ALKBH3: variants seen among roughly 807,000 people sequenced by gnomAD.
The protein encoded by ALKBH3 is alkB homolog 3, alpha-ketoglutarate dependent dioxygenase, also known as alpha-ketoglutarate-dependent dioxygenase alkB homolog 3.
In ALKBH3, 51 loss-of-function variants were observed where a neutral mutation model predicts 43.9. That is an observed-to-expected ratio of 1.16 (90% CI 0.93 to 1.47). ALKBH3 has a LOEUF of 1.47. Ranked by LOEUF, ALKBH3 falls within the 40% of genes most tolerant of loss-of-function variation. ALKBH3 has a pLI of 0.00. For missense variants in ALKBH3, 361 were observed against 351.9 expected, an observed-to-expected ratio of 1.03 and a Z score of -0.21; for synonymous variants, 102 against 115.2, an observed-to-expected ratio of 0.89 and a Z score of 0.73.
intron 7 of ALKBH3, chr11:43,899,099 G>C (rs1043212908): frequency 1.3e-6 from 1 of 758,506 alleles, no homozygotes; most frequent in Non-Finnish European, 2.5e-6. Context: ...TGTACAAAGG[G>C]GACATTGTCT....
intron 7 of ALKBH3, among the ~76,000 whole-genome samples, chr11:43,892,924 G>T (rs1219150734): frequency 1.3e-5 from 2 of 152,198 alleles, no homozygotes; most frequent in Non-Finnish European, 2.9e-5. Context: ...GCCTTTTCAC[G>T]TAAGGAGATA....
chr11:43,898,851 G>C (rs906035522), intron 7 of ALKBH3: 6 of 764,914 alleles, frequency 7.8e-6, no homozygotes, highest in Non-Finnish European at 2.4e-6. Flanking sequence ...CTGGAGGCCT[G>C]CTGGATTACA....
chr11:43,910,783 T>A (rs1038550331), intron 8 of ALKBH3, among the ~76,000 whole-genome samples: 2 of 147,160 alleles, frequency 1.4e-5, no homozygotes, highest in Admixed American at 7.1e-5. Context: ...AGTACTAAAA[T>A]GACTTTTTTT....
At chr11:43,919,797 ACTC>A (rs1952012448) in intron 9 of ALKBH3, 118 bp from the exon 10 acceptor site, 1 of 915,364 alleles carries the variant, frequency 1.1e-6, no homozygotes, top group Non-Finnish European at 1.7e-6. Context: ...AGAGCTTACT[ACTC>A]ATTTAAGGGG....
chr11:43,905,717 CT>C (rs1283575800), intron 8 of ALKBH3, among the ~76,000 whole-genome samples: 1 of 152,098 alleles, frequency 6.6e-6, no homozygotes, highest in Non-Finnish European at 1.5e-5. Context: ...TTCAGTAGAC[CT>C]TTTTTATTCT....
chr11:43,898,956 G>A (rs1436558201), intron 7 of ALKBH3: 3 of 749,910 alleles, frequency 4.0e-6, no homozygotes, highest in Non-Finnish European at 7.5e-6. Context: ...GACCATGGAG[G>A]AGCTGGAGAA....
At chr11:43,887,784 TG>T (rs1304160958) in intron 5 of ALKBH3, among the ~76,000 whole-genome samples, 3 of 143,894 alleles carry the variant, frequency 2.1e-5, no homozygotes, top group Non-Finnish European at 4.7e-5. Flanking sequence ...TTTCTTTTTT[TG>T]TTTTTTTTTG....
At chr11:43,893,029 T>G (rs973357850) in intron 7 of ALKBH3, among the ~76,000 whole-genome samples, 1 of 152,234 alleles carries the variant, frequency 6.6e-6, no homozygotes, top group African/African-American at 2.4e-5. Context: ...AACGTGGAGA[T>G]AATAGAATTA....
At chr11:43,886,550 G>A in intron 4 of ALKBH3, 56 bp from the exon 5 acceptor site, 2 of 1,560,478 alleles carry the variant, frequency 1.3e-6, no homozygotes, top group South Asian at 2.2e-5. Context: ...TCTTCCACTG[G>A]GTATAGCATA....
intron 7 of ALKBH3, 79 bp from the exon 8 acceptor site, chr11:43,901,433 CCTTT>C: frequency 2.0e-6 from 3 of 1,533,564 alleles, no homozygotes; most frequent in East Asian, 2.3e-5. Flanking sequence ...CTGATTTTGC[CCTTT>C]CTTTTCTGTT....
At chr11:43,915,330 G>A (rs1249226185) in intron 8 of ALKBH3, among the ~76,000 whole-genome samples, 1 of 152,130 alleles carries the variant, frequency 6.6e-6, no homozygotes, top group Non-Finnish European at 1.5e-5. Flanking sequence ...TCAGCCAGAA[G>A]ATAGGTACTG....
chr11:43,889,858 G>C, intron 6 of ALKBH3, 30 bp downstream of exon 6: 3 of 1,553,016 alleles, frequency 1.9e-6, no homozygotes, highest in Non-Finnish European at 2.7e-6. Context: ...CACAGTTGGT[G>C]CTGCGTGTTC....
intron 5 of ALKBH3, 105 bp from the exon 6 acceptor site, chr11:43,889,620 T>C (rs1389411852): frequency 2.3e-6 from 2 of 864,384 alleles, no homozygotes; most frequent in Non-Finnish European, 3.7e-6. Context: ...GATGATTTCA[T>C]GTACCCATTA....
chr11:43,908,222 C>T (rs1410213511), intron 8 of ALKBH3, among the ~76,000 whole-genome samples: 1 of 152,168 alleles, frequency 6.6e-6, no homozygotes, highest in Admixed American at 6.5e-5. Context: ...GATGAGGAAG[C>T]AGAGAGAACC....
chr11:43,913,806 A>G (rs899113163), intron 8 of ALKBH3, among the ~76,000 whole-genome samples: 1 of 152,250 alleles, frequency 6.6e-6, no homozygotes, highest in African/African-American at 2.4e-5. Context: ...TAGCTGGGCA[A>G]CCCTGGAGCT....
chr11:43,884,930 A>T (rs1242232861), intron 4 of ALKBH3, among the ~76,000 whole-genome samples: 4 of 151,840 alleles, frequency 2.6e-5, no homozygotes, highest in Admixed American at 2.0e-4. Context: ...TTTTTAAAAA[A>T]TTTTTTGTAG....
chr11:43,917,212 C>T (rs1024878684), intron 8 of ALKBH3, among the ~76,000 whole-genome samples: 1 of 152,228 alleles, frequency 6.6e-6, no homozygotes, highest in African/African-American at 2.4e-5. Flanking sequence ...CATCACTTTC[C>T]ATCAGTGCTG....
At chr11:43,888,077 A>G (rs58457380) in intron 5 of ALKBH3, among the ~76,000 whole-genome samples, 6,608 of 34,294 alleles carry the variant, frequency 0.19, 1,533 homozygotes, top group East Asian at 0.39. Flanking sequence ...GATTACAGGC[A>G]TGAGCCACTG....
At chr11:43,886,699 T>C (rs771717148) in intron 5 of ALKBH3, 46 bp downstream of exon 5, 4 of 1,579,520 alleles carry the variant, frequency 2.5e-6, no homozygotes, top group Non-Finnish European at 2.6e-6. Context: ...CACTGAGTTA[T>C]AGTCTCTTAA....
Sources: gnomAD v4.1 joint callset for allele counts (sites outside exome capture counted in the v4.1 genomes callset) on GRCh38, gnomAD v4.1.1 for gene constraint, MANE v1.5 for transcripts, NCBI Gene and HGNC (gene_info 2026-07-23, HGNC 2026-07-21) for gene names.